ZSWIM5: variants seen among roughly 807,000 people sequenced by gnomAD.
ZSWIM5 encodes zinc finger SWIM domain-containing protein 5.
Under a neutral mutation model 119.6 loss-of-function variants are expected in ZSWIM5, and 55 were observed. The ratio of observed to expected loss-of-function variants is 0.46; its 90% CI spans 0.37 to 0.58. The LOEUF (loss-of-function observed/expected upper bound fraction) is 0.58. ZSWIM5 is among the 20% of genes least tolerant of loss of function. The probability of loss-of-function intolerance (pLI) is 0.00; values close to 1 mark genes in which losing one functional copy is unlikely to be tolerated. For synonymous variants in ZSWIM5, 537 were observed against 606.9 expected (o/e 0.88, Z 1.69); for missense variants, 1,193 against 1,512.8 (o/e 0.79, Z 3.51).
At chr1:45,086,984 A>G (rs1381309742) in intron 2 of ZSWIM5, among the ~76,000 whole-genome samples, 1 of 151,368 alleles carries the variant, frequency 6.6e-6, no homozygotes, top group African/African-American at 2.4e-5. Context: ...CCCAGGTTCA[A>G]GCAATTCTCC....
intron 1 of ZSWIM5, among the ~76,000 whole-genome samples, chr1:45,194,734 A>G (rs973802232): frequency 5.9e-5 from 9 of 152,032 alleles, no homozygotes; most frequent in African/African-American, 2.2e-4. Context: ...AAAATCAGCC[A>G]GGCGTGGTGG....
At chr1:45,106,819 G>A (rs1645482929) in intron 1 of ZSWIM5, among the ~76,000 whole-genome samples, 2 of 152,200 alleles carry the variant, frequency 1.3e-5, no homozygotes, top group African/African-American at 4.8e-5. Context: ...TTGTTACTGT[G>A]TCTGTGTAGA....
In ZSWIM5 at chr1:45,133,361, C is replaced by T. The variant is rs549107096; in HGVS notation, c.596-45124G>A. On this transcript the variant is annotated intron_variant, in intron 1 of 13. Transcript: ENST00000359600. The stretch of plus-strand genomic sequence containing the variant: ...GTTTTGATTTGCATTTCTCTGATGG[C>T]CAGTGATGATGAGCATTTTTTCATG... Among the ~76,000 whole-genome samples the T allele has an allele frequency of 9.9e-3, 1,506 of 152,232 alleles. 30 individuals are homozygous for T. Among genetic ancestry groups the T allele is most frequent in the African/African-American group, 0.035 (1,444 of 41,520 alleles).
chr1:45,043,348 C>T lies in ZSWIM5; in HGVS notation c.1480G>A (p.Gly494Arg), dbSNP rs1487146904. The change falls in exon 6 of 14, where the codon GGG (glycine) becomes AGG (arginine). Residue 494 changes from glycine (G) to arginine (R), a missense_variant. By Grantham distance (125) the Gly-to-Arg change is moderately radical. Transcript: ENST00000359600. ...CTATCCTGCCAATGTAATTCACGCC[C>T]CTCAATGGCTCTAGTGAATACTGTT... The part of the protein sequence containing the change: ...RRTVFTRAIE[G>R]RELHWQDSHL... 1 of 1,614,162 alleles carries T rather than the reference C, an allele frequency of 6.2e-7. No individual in the cohort carries two copies.
At chr1:45,199,732 A>C (rs112811397) in intron 1 of ZSWIM5, among the ~76,000 whole-genome samples, 2,185 of 152,338 alleles carry the variant, frequency 0.014, 65 homozygotes, top group African/African-American at 0.051. Flanking sequence ...AAACTCTCAG[A>C]GTCAAATATT....
In ZSWIM5 at chr1:45,061,912, G is replaced by A. The variant is rs561491345; in HGVS notation, c.953-1665C>T. ...TTGAGACTAGCCTGACCAACATGGC[G>A]AAACCCTCCTCTACCAAAAGTACAA... is the stretch of plus-strand genomic sequence containing the variant. On this transcript the variant is annotated intron_variant, in intron 2 of 13. Coordinates refer to ENST00000359600, the MANE Select transcript of ZSWIM5 (RefSeq NM_020883.2). Among the ~76,000 whole-genome samples, 10 of 151,884 alleles carry A rather than the reference G, an allele frequency of 6.6e-5. No homozygotes were observed. In the East Asian group the frequency reaches 1.4e-3, roughly 21 times the overall value.
chr1:45,128,093 G>A (rs75000588), intron 1 of ZSWIM5, among the ~76,000 whole-genome samples: 3,141 of 152,076 alleles, frequency 0.021, 116 homozygotes, highest in African/African-American at 0.072. Flanking sequence ...TCAAAATTCT[G>A]GAAAGATTTT....
chr1:45,040,461 C>G lies in ZSWIM5; in HGVS notation c.1687G>C (p.Val563Leu), dbSNP rs1182103980. The G allele has an allele frequency of 6.2e-7, 1 of 1,612,302 alleles. No individual in the cohort carries two copies. Among genetic ancestry groups the G allele is most frequent in the African/African-American group, 1.3e-5 (1 of 74,882 alleles). ...AACCTCAGAGTATTAATAATGGCCA[C>G]TGTGAGTCTGAGGGCCTCTTTTGGA... Reference protein sequence around the residue: ...GYPKEALRLTVAIINTLRLQQ... With the variant: ...GYPKEALRLTLAIINTLRLQQ... Residue 563 changes from valine to leucine, a missense_variant, in exon 7 of 14, where the codon GTG (valine) becomes CTG (leucine). By Grantham distance (32) the Val-to-Leu change is conservative (BLOSUM62 1). Transcript: ENST00000359600.
chr1:45,048,080 C>T (rs1394948303), intron 5 of ZSWIM5, among the ~76,000 whole-genome samples: 256 of 4,234 alleles, frequency 0.06, 20 homozygotes, highest in African/African-American at 0.23. Context: ...CTTTTCTTTT[C>T]TCTTTTTTTT....
chr1:45,021,509 ACAT>A (rs1245187760), intron 11 of ZSWIM5, among the ~76,000 whole-genome samples: 3 of 152,236 alleles, frequency 2.0e-5, no homozygotes, highest in Non-Finnish European at 4.4e-5. Context: ...AAGGAATATA[ACAT>A]CATATGAGGT....
intron 1 of ZSWIM5, among the ~76,000 whole-genome samples, chr1:45,095,299 T>A (rs942700073): frequency 3.3e-5 from 5 of 152,048 alleles, no homozygotes; most frequent in Admixed American, 2.6e-4. Flanking sequence ...AATTTTTTTT[T>A]ATTTTTTGTA....
intron 1 of ZSWIM5, among the ~76,000 whole-genome samples, chr1:45,164,160 A>G (rs938421965): frequency 2.0e-5 from 3 of 152,214 alleles, no homozygotes; most frequent in Admixed American, 6.5e-5. Context: ...AGTGGGGGCC[A>G]ATATTCAGCA....
chr1:45,030,604 C>T (rs921149482), intron 11 of ZSWIM5, among the ~76,000 whole-genome samples: 1 of 152,030 alleles, frequency 6.6e-6, no homozygotes, highest in African/African-American at 2.4e-5. Flanking sequence ...AGGAGTTAGT[C>T]CATTTCATCT....
At position 45,164,750 on chromosome 1, in the gene ZSWIM5, C is replaced by T. The variant is rs566684712; in HGVS notation, c.595+41006G>A. On this transcript the variant is annotated intron_variant, in intron 1 of 13. Coordinates refer to ENST00000359600, the MANE Select transcript of ZSWIM5 (RefSeq NM_020883.2). ...ATTACATAATGGTAAAGGGATCAATCCAACAAGAAGAGCTAACTATCCTAA... is the reference window on the plus strand; with the variant it reads ...ATTACATAATGGTAAAGGGATCAATTCAACAAGAAGAGCTAACTATCCTAA... Among the ~76,000 whole-genome samples, 202 of 151,954 alleles carry T rather than the reference C, an allele frequency of 1.3e-3. 1 individual carries two copies. Among genetic ancestry groups the T allele is most frequent in the African/African-American group, 4.5e-3 (187 of 41,458 alleles).
At position 45,115,288 on chromosome 1, in the gene ZSWIM5, C is replaced by G. The variant is rs534722296; in HGVS notation, c.596-27051G>C. The stretch of plus-strand genomic sequence containing the variant: ...GGCGGGGGCGGGGGCTGCCCCCCAC[C>G]TCCCTCCTGGATGGGGCGGCTGGCC... On this transcript the variant is annotated intron_variant, in intron 1 of 13. Transcript: ENST00000359600. 2.0e-5 allele frequency among the ~76,000 whole-genome samples: 3 copies of G among 151,838 alleles called. No homozygotes were observed. The East Asian group carries it at 5.9e-4, about 30-fold the overall frequency.
chr1:45,079,247 CACTG>C (rs1645274305), intron 2 of ZSWIM5, among the ~76,000 whole-genome samples: 1 of 152,124 alleles, frequency 6.6e-6, no homozygotes, highest in South Asian at 2.1e-4. Context: ...TATCTCCCTT[CACTG>C]ACTATCTTTT....
chr1:45,125,171 T>C (rs1056416716), intron 1 of ZSWIM5, among the ~76,000 whole-genome samples: 2 of 152,122 alleles, frequency 1.3e-5, no homozygotes, highest in African/African-American at 2.4e-5. Flanking sequence ...TATGCCAAAA[T>C]AGACCATTTC....
intron 1 of ZSWIM5, among the ~76,000 whole-genome samples, chr1:45,161,503 T>C (rs1040196294): frequency 1.3e-5 from 2 of 152,182 alleles, no homozygotes; most frequent in Non-Finnish European, 2.9e-5. Flanking sequence ...TCCCTGATAA[T>C]TGGTGACGCT....
Position 45,108,024 on chromosome 1 carries a change from G to A in ZSWIM5, c.596-19787C>T, listed in dbSNP as rs1645492570. 2.6e-5 allele frequency among the ~76,000 whole-genome samples: 4 copies of A among 152,064 alleles called. No homozygotes were observed. The South Asian group carries it at 8.3e-4, about 32-fold the overall frequency. On this transcript the variant is annotated intron_variant, in intron 1 of 13. Coordinates refer to ENST00000359600, the MANE Select transcript of ZSWIM5 (RefSeq NM_020883.2). ...TTGTCCAGGCTGGCCTTGAACTCCTGAACTCAAGGGATCCTCCTGCCTCGG... is the reference window on the plus strand; with the variant it reads ...TTGTCCAGGCTGGCCTTGAACTCCTAAACTCAAGGGATCCTCCTGCCTCGG...
Sources: gnomAD v4.1 joint callset for allele counts (sites outside exome capture counted in the v4.1 genomes callset) on GRCh38, gnomAD v4.1.1 for gene constraint, MANE v1.5 for transcripts, NCBI Gene and HGNC (gene_info 2026-07-23, HGNC 2026-07-21) for gene names.